TNS3: variants seen among roughly 807,000 people sequenced by gnomAD.
TNS3 encodes the protein tensin-3.
In TNS3, 45 loss-of-function variants were observed where a neutral mutation model predicts 140.9. That is an observed-to-expected ratio of 0.32 (90% CI 0.25 to 0.41). The LOEUF (loss-of-function observed/expected upper bound fraction) is 0.41. TNS3 is among the 10% of genes least tolerant of loss of function. The probability of loss-of-function intolerance (pLI) is 1.00; values close to 1 mark genes in which losing one functional copy is unlikely to be tolerated. For synonymous variants in TNS3, 815 were observed against 788.4 expected (o/e 1.03, Z -0.56); for missense variants, 1,716 against 1,906.7 (o/e 0.90, Z 1.86).
At chr7:47,497,640 T>G (rs1363622353) in intron 3 of TNS3, among the ~76,000 whole-genome samples, 1 of 147,316 alleles carries the variant, frequency 6.8e-6, no homozygotes, top group Non-Finnish European at 1.5e-5. Context: ...AGTATTCGCC[T>G]AGTACAGAGT....
At chr7:47,476,600 G>C (rs1797202800) in intron 4 of TNS3, among the ~76,000 whole-genome samples, 1 of 152,192 alleles carries the variant, frequency 6.6e-6, no homozygotes, top group Non-Finnish European at 1.5e-5. Flanking sequence ...GCTTGCCTCT[G>C]ACATCCCTCC....
chr7:47,413,894 G>A (rs752738395), intron 12 of TNS3, 43 bp downstream of exon 12: 8 of 1,611,398 alleles, frequency 5.0e-6, no homozygotes, highest in South Asian at 4.4e-5. Context: ...TCCCTGAGCC[G>A]TCCAGGTCCC....
intron 16 of TNS3, among the ~76,000 whole-genome samples, chr7:47,388,995 A>G (rs62446294): frequency 0.056 from 1,215 of 21,748 alleles, 378 homozygotes; most frequent in Non-Finnish European, 0.23. Context: ...AGGAAGAAGA[A>G]GAAGAAGGAA....
intron 4 of TNS3, among the ~76,000 whole-genome samples, chr7:47,478,118 CCT>C (rs1164039507): frequency 1.3e-5 from 2 of 152,228 alleles, no homozygotes; most frequent in East Asian, 1.9e-4. Context: ...CAAGGCCACC[CCT>C]GACTGCACGC....
At chr7:47,517,826 G>A (rs1461869697) in intron 2 of TNS3, among the ~76,000 whole-genome samples, 1 of 152,172 alleles carries the variant, frequency 6.6e-6, no homozygotes, top group Non-Finnish European at 1.5e-5. Flanking sequence ...AGTCATTTCT[G>A]TATCGGGGGT....
At chr7:47,578,695 G>T (rs1396556757) in intron 1 of TNS3, among the ~76,000 whole-genome samples, 1 of 152,226 alleles carries the variant, frequency 6.6e-6, no homozygotes, top group Admixed American at 6.5e-5. Flanking sequence ...ATCCCACATT[G>T]CAGTGATGGA....
chr7:47,368,118 T>TG (rs778248381), intron 17 of TNS3, among the ~76,000 whole-genome samples: 107 of 152,342 alleles, frequency 7.0e-4, no homozygotes, highest in Admixed American at 1.2e-3. Flanking sequence ...TCCCTGCCCC[T>TG]GCACTGACGT....
At chr7:47,316,818 T>C (rs1299667425) in intron 20 of TNS3, among the ~76,000 whole-genome samples, 2 of 151,786 alleles carry the variant, frequency 1.3e-5, no homozygotes, top group African/African-American at 2.4e-5. Flanking sequence ...TATAATTCTT[T>C]TGTTATTTGT....
chr7:47,483,673 T>C lies in TNS3; in HGVS notation c.-114-2532A>G, dbSNP rs559443070. On this transcript the variant is annotated intron_variant, in intron 3 of 30. Coordinates refer to ENST00000311160, the MANE Select transcript of TNS3 (RefSeq NM_022748.12). ...AGGTCTGTGTGTTCCCACATCCCTC[T>C]GTGGCCAGATGGGGTGCAATAACGG... Among the ~76,000 whole-genome samples the C allele has an allele frequency of 3.3e-5, 5 of 152,334 alleles. No homozygotes were observed. In the East Asian group the frequency reaches 9.7e-4, roughly 29 times the overall value.
At chr7:47,394,937 C>A (rs1290882588) in intron 16 of TNS3, among the ~76,000 whole-genome samples, 3 of 152,262 alleles carry the variant, frequency 2.0e-5, no homozygotes, top group Non-Finnish European at 2.9e-5. Context: ...CAATGAGGGA[C>A]TGAGCACAGA....
At chr7:47,339,099 T>C (rs999433907) in intron 20 of TNS3, among the ~76,000 whole-genome samples, 2 of 152,226 alleles carry the variant, frequency 1.3e-5, no homozygotes, top group Non-Finnish European at 2.9e-5. Flanking sequence ...ACATTCTAGA[T>C]GATATTCCTT....
At chr7:47,423,660 C>T (rs1248766688) in intron 10 of TNS3, among the ~76,000 whole-genome samples, 1 of 152,228 alleles carries the variant, frequency 6.6e-6, no homozygotes, top group African/African-American at 2.4e-5. Flanking sequence ...TTCCATATTG[C>T]CCAGGGCTGC....
In TNS3 at chr7:47,439,496, G is replaced by T; in HGVS notation, c.141C>A (p.Asp47Glu). The change falls in exon 6 of 31, where the codon GAC (aspartate) becomes GAA (glutamate). Residue 47 changes from aspartate to glutamate, a missense_variant. Asp to Glu is a conservative substitution (Grantham distance 45). Transcript: ENST00000311160. Reference sequence around the variant, plus strand: ...GCCGCCCACCGCTCACCAGGTAGTTGTCCCCGTGCTTGGACTTGAGCATGC... The same window carrying T: ...GCCGCCCACCGCTCACCAGGTAGTTTTCCCCGTGCTTGGACTTGAGCATGC... ...VTRMLKSKHG[D>E]NYLVLNLSEK... 1.2e-6 allele frequency: 2 copies of T among 1,613,788 alleles called. No homozygotes were observed. Among genetic ancestry groups the T allele is most frequent in the Non-Finnish European group, 1.7e-6 (2 of 1,179,858 alleles).
At chr7:47,358,754 T>G (rs1790150817) in intron 17 of TNS3, among the ~76,000 whole-genome samples, 1 of 152,310 alleles carries the variant, frequency 6.6e-6, no homozygotes, top group East Asian at 1.9e-4. Flanking sequence ...CCATGTTGCT[T>G]TATGTCCCTG....
At chr7:47,518,927 G>A (rs576295039) in intron 2 of TNS3, among the ~76,000 whole-genome samples, 1 of 152,208 alleles carries the variant, frequency 6.6e-6, no homozygotes, top group Non-Finnish European at 1.5e-5. Context: ...ATCAATCGAG[G>A]TGGACTTAAT....
rs542321171 is a variant in TNS3, at chr7:47,475,169, G to T, written c.-76+5934C>A. Among the ~76,000 whole-genome samples the T allele has an allele frequency of 2.0e-5, 3 of 152,320 alleles. No homozygotes were observed. In the South Asian group the frequency reaches 6.2e-4, roughly 32 times the overall value. ...CACAGACCACAGACACACGCATCTT[G>T]CACACAGAGCTGTGCAAAGGTGGAG... is the stretch of plus-strand genomic sequence containing the variant. On this transcript the variant is annotated intron_variant, in intron 4 of 30. Transcript: ENST00000311160.
intron 17 of TNS3, among the ~76,000 whole-genome samples, chr7:47,362,999 A>G (rs1345824333): frequency 6.2e-4 from 5 of 8,028 alleles, no homozygotes; most frequent in African/African-American, 1.6e-3. Context: ...CAACATCATC[A>G]CAGTCATCAC....
At chr7:47,352,281 A>G (rs1789727241) in intron 17 of TNS3, among the ~76,000 whole-genome samples, 1 of 152,146 alleles carries the variant, frequency 6.6e-6, no homozygotes, top group Admixed American at 6.5e-5. Flanking sequence ...AGTGTTTTTC[A>G]TGATACACAC....
Position 47,427,364 on chromosome 7 carries a change from GA to G in TNS3, c.389+947del, listed in dbSNP as rs1256007955. On this transcript the variant is annotated intron_variant, in intron 9 of 30. Coordinates refer to ENST00000311160, the MANE Select transcript of TNS3 (RefSeq NM_022748.12). The stretch of plus-strand genomic sequence containing the variant: ...ACCAACTCCTCAGTTGGTTTCCAGA[GA>G]AAACATTCAGAAAGTCAAATTTCAC... 2.6e-5 allele frequency among the ~76,000 whole-genome samples: 4 copies of G among 152,110 alleles called. No homozygotes were observed. The East Asian group carries it at 7.7e-4, about 29-fold the overall frequency.
Sources: allele counts gnomAD v4.1 joint callset (sites outside exome capture counted in the v4.1 genomes callset), GRCh38; gene constraint gnomAD v4.1.1; transcripts MANE v1.5; gene names NCBI Gene and HGNC (gene_info 2026-07-23, HGNC 2026-07-21).